The following TECPR2 variants were observed in gnomAD, a reference collection of about 807,000 sequenced individuals.
The protein encoded by TECPR2 is tectonin beta-propeller repeat containing 2, also known as tectonin beta-propeller repeat-containing protein 2.
A neutral mutation model predicts 138.1 loss-of-function variants in TECPR2; 65 were observed. That is an observed-to-expected ratio of 0.47 (90% CI 0.39 to 0.58). The LOEUF (loss-of-function observed/expected upper bound fraction) is 0.58, where lower values mean the gene tolerates loss of function less well. TECPR2 is among the 20% of genes least tolerant of loss of function. TECPR2 has a pLI of 0.00. For missense variants in TECPR2, 1,553 were observed against 1,824.5 expected, an observed-to-expected ratio of 0.85 and a Z score of 2.71; for synonymous variants, 746 against 749.8, an observed-to-expected ratio of 0.99 and a Z score of 0.08.
intron 17 of TECPR2, among the ~76,000 whole-genome samples, chr14:102,481,383 A>C (rs1299078709): frequency 1.3e-5 from 2 of 152,152 alleles, no homozygotes; most frequent in Non-Finnish European, 2.9e-5. Flanking sequence ...TCCTGACCTC[A>C]AGTGATCCAC....
At chr14:102,427,445 C>T (rs1295511496) in intron 6 of TECPR2, among the ~76,000 whole-genome samples, 18 of 152,162 alleles carry the variant, frequency 1.2e-4, no homozygotes, top group East Asian at 1.9e-4. Context: ...TGGCAGCTTT[C>T]GGAAACAAAT....
At chr14:102,374,036 C>T (rs1314733818) in intron 1 of TECPR2, among the ~76,000 whole-genome samples, 1 of 146,278 alleles carries the variant, frequency 6.8e-6, no homozygotes, top group Non-Finnish European at 1.5e-5. Flanking sequence ...CGCACCACCG[C>T]ACTCCAGCTT....
In TECPR2 at chr14:102,432,058, A is replaced by C. The variant is rs1203446732; in HGVS notation, c.1347A>C (p.Ser449=). 6.2e-7 allele frequency: 1 copy of C among 1,612,204 alleles called. No homozygotes were observed. The highest frequency in any genetic ancestry group is 8.5e-7 in the Non-Finnish European group (1 of 1,179,416). The change falls in exon 8 of 20, where the codon TCA becomes TCC. Residue 449 remains serine (S), a synonymous_variant. Coordinates refer to ENST00000359520, the MANE Select transcript of TECPR2 (RefSeq NM_014844.5). ...PLSQRFNAIS[S]EDFDQELVVK... ...CACAGAGATTCAACGCCATCAGCTCAGAGGACTTTGACCAGGAGCTTGTCG... is the reference window on the plus strand; with the variant it reads ...CACAGAGATTCAACGCCATCAGCTCCGAGGACTTTGACCAGGAGCTTGTCG...
At chr14:102,412,122 ACTTTTTTTTTTTT>A (rs1369457492) in intron 4 of TECPR2, among the ~76,000 whole-genome samples, 2 of 131,786 alleles carry the variant, frequency 1.5e-5, no homozygotes, top group African/African-American at 5.8e-5. Flanking sequence ...AAATGTTGAC[ACTTTTTTTTTTTT>A]TTTTTTTTTT....
At chr14:102,440,722 C>A in intron 11 of TECPR2, 113 bp downstream of exon 11, 1 of 1,298,226 alleles carries the variant, frequency 7.7e-7, no homozygotes, top group Non-Finnish European at 1.0e-6. Context: ...AGGCTAAATC[C>A]ATTCGAATTA....
At chr14:102,463,648 G>A (rs917810543) in intron 16 of TECPR2, among the ~76,000 whole-genome samples, 3 of 152,058 alleles carry the variant, frequency 2.0e-5, no homozygotes, top group Admixed American at 6.6e-5. Flanking sequence ...ATTGGGACAG[G>A]CGTAGTGGCT....
At chr14:102,450,838 G>A (rs2139752850) in intron 15 of TECPR2, among the ~76,000 whole-genome samples, 189 bp downstream of exon 15, 1 of 152,354 alleles carries the variant, frequency 6.6e-6, no homozygotes, top group East Asian at 1.9e-4. Flanking sequence ...GGCCTGACCA[G>A]GAGAGCCTCT....
In TECPR2 at chr14:102,440,472, G is replaced by A. The variant is rs200151959; in HGVS notation, c.2615G>A (p.Arg872Gln). Residue 872 changes from arginine (R) to glutamine (Q), a missense_variant, in exon 11 of 20, where the codon CGG becomes CAG. Transcript: ENST00000359520. ...TGGAAGATTGAACAGAAATCTAACC[G>A]GGCTTTTGCTTGTGGGAAAGTCACC... ...LLWKIEQKSN[R>Q]AFACGKVTIK... 16 of 1,614,188 alleles carry A rather than the reference G, an allele frequency of 9.9e-6. No individual in the cohort carries two copies. The highest frequency in any genetic ancestry group is 1.3e-5 in the African/African-American group (1 of 75,054).
rs529439462 is a variant in TECPR2 at position 102,497,261 on chromosome 14, A to T, written c.3931+141A>T. 7.3e-6 allele frequency: 10 copies of T among 1,369,288 alleles called. No homozygotes were observed. The East Asian group carries it at 2.5e-4, about 34-fold the overall frequency. 84.8% of individuals were successfully genotyped at this position (1,369,288 alleles called of 1,614,324 possible). A position where few individuals can be genotyped will look rare whatever the true frequency, so the allele number is the denominator to read the frequency against. ...TGCTGTCGCCGCTGCTTCCTGGGCCAGGGGACAAGCCTCCCATCATGTTCC... is the reference window on the plus strand; with the variant it reads ...TGCTGTCGCCGCTGCTTCCTGGGCCTGGGGACAAGCCTCCCATCATGTTCC... On this transcript the variant is annotated intron_variant, in intron 18 of 19. Coordinates refer to ENST00000359520, the MANE Select transcript of TECPR2 (RefSeq NM_014844.5).
At chr14:102,398,072 C>CAAA (rs560266373) in intron 2 of TECPR2, among the ~76,000 whole-genome samples, 1 of 45,746 alleles carries the variant, frequency 2.2e-5, no homozygotes, top group South Asian at 7.7e-4. Flanking sequence ...GATTCTGTCT[C>CAAA]AAAAAAAAAA....
chr14:102,435,171 G>A lies in TECPR2; in HGVS notation c.2354G>A (p.Arg785Gln), dbSNP rs140151164. 17 of 1,612,772 alleles carry A rather than the reference G, an allele frequency of 1.1e-5. No individual in the cohort carries two copies. The highest frequency in any genetic ancestry group is 3.3e-4 in the Middle Eastern group (2 of 6,080). ...AGTTGCTCCCAGCAGGACCTGAGCC[G>A]GCTGGGTGCAGAGGACGCCGGGCTG... ...GPSCSQQDLS[R>Q]LGAEDAGLLK... is the part of the protein sequence containing the mutation. Residue 785 changes from arginine (R) to glutamine (Q), a missense_variant, in exon 9 of 20, where the codon CGG becomes CAG. By Grantham distance (43) the Arg-to-Gln change is conservative. Transcript: ENST00000359520.
chr14:102,377,710 AAAAG>A (rs1350362432), intron 2 of TECPR2, among the ~76,000 whole-genome samples: 7 of 152,052 alleles, frequency 4.6e-5, no homozygotes, highest in Admixed American at 6.6e-5. Context: ...CATCTTAAAA[AAAAG>A]AAAGAAAGAA....
chr14:102,470,309 T>C (rs1890630154), intron 17 of TECPR2, among the ~76,000 whole-genome samples: 1 of 61,208 alleles, frequency 1.6e-5, no homozygotes, highest in South Asian at 6.8e-4. Context: ...TATTCAGAAT[T>C]TTTTTTTTTT....
At chr14:102,461,904 G>T (rs1890420303) in intron 16 of TECPR2, among the ~76,000 whole-genome samples, 1 of 152,186 alleles carries the variant, frequency 6.6e-6, no homozygotes, top group African/African-American at 2.4e-5. Context: ...CATGGAACAG[G>T]TTCACAAACC....
intron 17 of TECPR2, among the ~76,000 whole-genome samples, chr14:102,476,663 A>G (rs1488524348): frequency 6.6e-6 from 1 of 152,198 alleles, no homozygotes; most frequent in African/African-American, 2.4e-5. Context: ...CAGGAAAAAA[A>G]GATGTGAAGA....
chr14:102,494,033 G>A (rs1891217772), intron 17 of TECPR2, among the ~76,000 whole-genome samples: 1 of 152,124 alleles, frequency 6.6e-6, no homozygotes, highest in Non-Finnish European at 1.5e-5. Flanking sequence ...ATTTCCTGGT[G>A]GTGCCTCCCA....
chr14:102,475,414 C>T (rs532472341), intron 17 of TECPR2, among the ~76,000 whole-genome samples: 20 of 152,178 alleles, frequency 1.3e-4, no homozygotes, highest in Admixed American at 1.2e-3. Flanking sequence ...CCTGGTCAGA[C>T]CATGTTTGAG....
intron 12 of TECPR2, among the ~76,000 whole-genome samples, chr14:102,445,505 C>T (rs935472415): frequency 6.6e-6 from 1 of 151,930 alleles, no homozygotes; most frequent in Non-Finnish European, 1.5e-5. Flanking sequence ...CGCTCAGGGG[C>T]CTTGGATTCC....
At chr14:102,369,520 G>A (rs1027432774) in intron 1 of TECPR2, among the ~76,000 whole-genome samples, 6 of 152,000 alleles carry the variant, frequency 3.9e-5, no homozygotes, top group African/African-American at 9.7e-5. Flanking sequence ...GATCCTCCGG[G>A]CTCAATTGAT....
Sources: allele counts gnomAD v4.1 joint callset (sites outside exome capture counted in the v4.1 genomes callset), GRCh38; gene constraint gnomAD v4.1.1; transcripts MANE v1.5; gene names NCBI Gene and HGNC (gene_info 2026-07-23, HGNC 2026-07-21).